The following GALC variants were observed in gnomAD, a reference collection of about 807,000 sequenced individuals.
GALC encodes the protein galactosylceramidase, also known as galactocerebrosidase.
A neutral mutation model predicts 91.8 loss-of-function variants in GALC; 77 were observed. The observed-to-expected ratio is 0.84, with a 90% confidence interval of 0.70 to 1.01. The LOEUF (loss-of-function observed/expected upper bound fraction) is 1.01, where lower values mean the gene tolerates loss of function less well. GALC is among the 50% of genes least tolerant of loss of function. GALC has a pLI of 0.00. For missense variants in GALC, 882 were observed against 855.9 expected (o/e 1.03, Z -0.38); for synonymous variants, 357 against 306.7 (o/e 1.16, Z -1.71).
chr14:87,959,386 G>C (rs903064442), intron 10 of GALC, among the ~76,000 whole-genome samples: 1 of 152,116 alleles, frequency 6.6e-6, no homozygotes, highest in Non-Finnish European at 1.5e-5. Flanking sequence ...TTGTAAATTG[G>C]TACAGCCACT....
intron 16 of GALC, among the ~76,000 whole-genome samples, chr14:87,939,391 A>G (rs1668509803): frequency 6.6e-6 from 1 of 151,902 alleles, no homozygotes; most frequent in Non-Finnish European, 1.5e-5. Context: ...AGCACTGTCG[A>G]GCAGTAACTC....
At chr14:87,977,047 G>GGGGGAAAA (rs1886529270) in intron 6 of GALC, among the ~76,000 whole-genome samples, 1 of 135,872 alleles carries the variant, frequency 7.4e-6, no homozygotes, top group Non-Finnish European at 1.6e-5. Context: ...GGGGGGGGAT[G>GGGGGAAAA]AAACAAAAAT....
At chr14:87,988,343 T>A in intron 2 of GALC, 112 bp downstream of exon 2, 1 of 1,245,486 alleles carries the variant, frequency 8.0e-7, no homozygotes, top group Non-Finnish European at 1.2e-6. Context: ...CCAAAAGTAA[T>A]GTGCCATTTT....
At chr14:87,965,660 G>C (rs773295635) in intron 8 of GALC, 31 bp from the exon 9 acceptor site, 16 of 1,610,738 alleles carry the variant, frequency 9.9e-6, no homozygotes, top group Non-Finnish European at 1.4e-5. Context: ...GAAACACCAA[G>C]ACAACTTGTG....
chr14:87,976,920 T>C (rs113698824), intron 6 of GALC: 18,078 of 159,966 alleles, frequency 0.11, 1,211 homozygotes, highest in Non-Finnish European at 0.15. Flanking sequence ...AAGCATTACC[T>C]TTAAGATAAC....
chr14:87,947,945 C>T (rs1885143576), intron 12 of GALC, 67 bp from the exon 13 acceptor site: 1 of 1,414,212 alleles, frequency 7.1e-7, no homozygotes, highest in Admixed American at 1.8e-5. Flanking sequence ...GACAGAATAG[C>T]TTTAAAAAAA....
At chr14:87,947,112 ACAC>A (rs1463280483) in intron 13 of GALC, among the ~76,000 whole-genome samples, 2 of 151,998 alleles carry the variant, frequency 1.3e-5, no homozygotes, top group Non-Finnish European at 2.9e-5. Flanking sequence ...AACCTACAGA[ACAC>A]CACCAAGCAG....
rs73329338 is a variant in GALC, at chr14:87,948,099, A to T, written c.1339-221T>A. On this transcript the variant is annotated intron_variant, in intron 12 of 16. Coordinates refer to ENST00000261304, the MANE Select transcript of GALC (RefSeq NM_000153.4). ...AAATTATGCTTTATAATTTTAAACAACCTTACTTCATGGAAGGAAGGACTA... is the reference window on the plus strand; with the variant it reads ...AAATTATGCTTTATAATTTTAAACATCCTTACTTCATGGAAGGAAGGACTA... Among the ~76,000 whole-genome samples the T allele has an allele frequency of 0.013, 2,010 of 152,054 alleles. 53 individuals are homozygous for T. The highest frequency in any genetic ancestry group is 0.047 in the African/African-American group (1,929 of 41,438).
chr14:87,938,381 T>G (rs1187107063), intron 16 of GALC, among the ~76,000 whole-genome samples: 1 of 151,942 alleles, frequency 6.6e-6, no homozygotes, highest in Non-Finnish European at 1.5e-5. Context: ...GTAAGAAAAC[T>G]CTGAAGGAAG....
intron 10 of GALC, among the ~76,000 whole-genome samples, chr14:87,956,799 T>G (rs1168675540): frequency 1.3e-5 from 2 of 151,750 alleles, no homozygotes; most frequent in African/African-American, 4.8e-5. Context: ...ATTGCAGGAA[T>G]GAATGGCAGA....
intron 7 of GALC, among the ~76,000 whole-genome samples, chr14:87,974,085 T>G (rs540236577): frequency 1.3e-5 from 2 of 152,218 alleles, no homozygotes; most frequent in African/African-American, 4.8e-5. Flanking sequence ...AAAGACAATA[T>G]AGTAGTATAG....
At chr14:87,990,427 G>A (rs374238939) in intron 1 of GALC, among the ~76,000 whole-genome samples, 1 of 152,290 alleles carries the variant, frequency 6.6e-6, no homozygotes, top group South Asian at 2.1e-4. Context: ...TGTATGTAAA[G>A]GACTTGGCAC....
intron 7 of GALC, among the ~76,000 whole-genome samples, chr14:87,973,228 T>C (rs1273644792): frequency 4.6e-5 from 7 of 152,164 alleles, no homozygotes; most frequent in Admixed American, 1.3e-4. Flanking sequence ...CATCAAGAAA[T>C]ATTGTTTCCA....
chr14:87,981,441 CAA>C (rs1213469686), intron 6 of GALC: 1 of 193,044 alleles, frequency 5.2e-6, no homozygotes, highest in African/African-American at 2.4e-5. Flanking sequence ...ACCTATTCTC[CAA>C]AAACCTATGG....
intron 12 of GALC, 131 bp downstream of exon 12, chr14:87,949,714 T>C: frequency 1.7e-6 from 1 of 592,340 alleles, no homozygotes; most frequent in Non-Finnish European, 3.0e-6. Context: ...AAACTAAATG[T>C]CTAAGAGCTA....
chr14:87,979,335 G>A (rs1431343743), intron 6 of GALC, among the ~76,000 whole-genome samples: 2 of 152,072 alleles, frequency 1.3e-5, no homozygotes, highest in Non-Finnish European at 2.9e-5. Context: ...CCTGCAACAG[G>A]CATTTCAACA....
At chr14:87,964,875 C>T (rs1566989977) in intron 9 of GALC, among the ~76,000 whole-genome samples, 1 of 152,110 alleles carries the variant, frequency 6.6e-6, no homozygotes, top group African/African-American at 2.4e-5. Context: ...CAGGATCCTT[C>T]ATATCATATG....
intron 4 of GALC, among the ~76,000 whole-genome samples, chr14:87,986,195 TACTA>T (rs771222750): frequency 6.6e-6 from 1 of 152,242 alleles, no homozygotes; most frequent in Non-Finnish European, 1.5e-5. Flanking sequence ...TTTTGCCATT[TACTA>T]ACTGTCTATG....
At chr14:87,947,600 T>G in intron 13 of GALC, 128 bp downstream of exon 13, 469 of 863,562 alleles carry the variant, frequency 5.4e-4, no homozygotes, top group Non-Finnish European at 8.1e-4. Flanking sequence ...TTACCGCATA[T>G]GAGATGTAGG....
Sources: allele counts gnomAD v4.1 joint callset (sites outside exome capture counted in the v4.1 genomes callset), GRCh38; gene constraint gnomAD v4.1.1; transcripts MANE v1.5; gene names NCBI Gene and HGNC (gene_info 2026-07-23, HGNC 2026-07-21).